The following ARHGAP25 variants were observed in gnomAD, a reference collection of about 807,000 sequenced individuals.
ARHGAP25 encodes rho GTPase-activating protein 25.
Under a neutral mutation model 71.0 loss-of-function variants are expected in ARHGAP25, and 34 were observed. The ratio of observed to expected loss-of-function variants is 0.48; its 90% CI spans 0.36 to 0.64. ARHGAP25 has a LOEUF of 0.64. ARHGAP25 is among the 30% of genes least tolerant of loss of function. The pLI is 0.00. For missense variants in ARHGAP25, 706 were observed against 805.1 expected, an observed-to-expected ratio of 0.88 and a Z score of 1.49; for synonymous variants, 282 against 296.5, an observed-to-expected ratio of 0.95 and a Z score of 0.50.
At chr2:68,810,553 C>G (rs1244230387) in intron 5 of ARHGAP25, among the ~76,000 whole-genome samples, 1 of 152,072 alleles carries the variant, frequency 6.6e-6, no homozygotes, top group Non-Finnish European at 1.5e-5. Flanking sequence ...TAATTTTGCT[C>G]TTTTATTATA....
Position 68,734,881 on chromosome 2 carries a change from G to T in ARHGAP25, c.-319G>T, listed in dbSNP as rs139043472. ...GAAAAGGAGCTTTGCTTCCCATGAC[G>T]CAGAGGGAAGTGTCAACTGGGATAT... On this transcript the variant is annotated 5_prime_UTR_variant, in exon 1 of 11. Coordinates refer to ENST00000409202, the MANE Select transcript of ARHGAP25 (RefSeq NM_001007231.3). The T allele has an allele frequency of 2.7e-6, 1 of 372,406 alleles. No individual in the cohort carries two copies. The highest frequency in any genetic ancestry group is 2.1e-5 in the African/African-American group (1 of 48,004). 23.1% of individuals were successfully genotyped at this position (372,406 alleles called of 1,614,324 possible). A position where few individuals can be genotyped will look rare whatever the true frequency, so the allele number is the denominator to read the frequency against.
intron 4 of ARHGAP25, among the ~76,000 whole-genome samples, chr2:68,802,707 A>AAGAGAGAGAG (rs35124579): frequency 6.7e-6 from 1 of 148,164 alleles, no homozygotes; most frequent in African/African-American, 2.5e-5. Context: ...ATAGAGGAGA[A>AAGAGAGAGAG]AGAGAGAGAG....
rs919093258 is a variant in ARHGAP25, at chr2:68,750,858, G to T, written c.61+15598G>T. On this transcript the variant is annotated intron_variant, in intron 1 of 10. Coordinates refer to ENST00000409202, the MANE Select transcript of ARHGAP25 (RefSeq NM_001007231.3). ...TAGTGTCAGAAGTGACGTGTTAAGG[G>T]GTTACTGAAACCAAAGGTGAAAGCT... is the stretch of plus-strand genomic sequence containing the variant. 3.3e-5 allele frequency among the ~76,000 whole-genome samples: 5 copies of T among 152,282 alleles called. No individual in the cohort carries two copies. The South Asian group carries it at 1.0e-3, about 32-fold the overall frequency.
chr2:68,728,752 A>AT, intron 2 of ARHGAP25, among the ~76,000 whole-genome samples: 1 of 152,236 alleles, frequency 6.6e-6, no homozygotes, highest in East Asian at 1.9e-4. Context: ...ATAAGTAAAC[A>AT]TAAGTAAATA....
chr2:68,766,464 G>T (rs1175320095), intron 1 of ARHGAP25, among the ~76,000 whole-genome samples: 3 of 152,162 alleles, frequency 2.0e-5, no homozygotes, highest in Admixed American at 6.5e-5. Flanking sequence ...GACAGGCGGA[G>T]AGGGCTGGGT....
At chr2:68,744,824 C>T (rs1351760090) in intron 1 of ARHGAP25, among the ~76,000 whole-genome samples, 4 of 152,194 alleles carry the variant, frequency 2.6e-5, no homozygotes, top group Non-Finnish European at 5.9e-5. Flanking sequence ...ATTATTTCTC[C>T]CCAGAAAACC....
chr2:68,772,682 T>C (rs576219900), intron 1 of ARHGAP25, among the ~76,000 whole-genome samples: 17 of 152,330 alleles, frequency 1.1e-4, no homozygotes, highest in African/African-American at 3.6e-4. Context: ...AATTCCCTCC[T>C]CCCCATTGTA....
intron 4 of ARHGAP25, among the ~76,000 whole-genome samples, chr2:68,794,733 T>G (rs1464582795): frequency 1.3e-5 from 2 of 152,170 alleles, no homozygotes; most frequent in Non-Finnish European, 2.9e-5. Context: ...AGTTTTCTTT[T>G]TTGTTGTTGT....
chr2:68,808,432 C>T (rs570476095), intron 5 of ARHGAP25, among the ~76,000 whole-genome samples: 4 of 152,152 alleles, frequency 2.6e-5, no homozygotes, highest in African/African-American at 4.8e-5. Context: ...TCACCAACGC[C>T]GCCCATTTTT....
chr2:68,810,235 T>C (rs948817228), intron 5 of ARHGAP25, among the ~76,000 whole-genome samples: 1 of 152,034 alleles, frequency 6.6e-6, no homozygotes, highest in African/African-American at 2.4e-5. Context: ...AATAGACATC[T>C]GAGTTAGCCC....
intron 1 of ARHGAP25, among the ~76,000 whole-genome samples, chr2:68,768,783 A>G (rs138700904): frequency 6.6e-6 from 1 of 152,260 alleles, no homozygotes; most frequent in East Asian, 1.9e-4. Flanking sequence ...GGAAGCTTGA[A>G]GCTCTCAGTC....
At chr2:68,732,520 G>A (rs1276539438), upstream of ARHGAP25, among the ~76,000 whole-genome samples, 1 of 152,220 alleles carries the variant, frequency 6.6e-6, no homozygotes. Flanking sequence ...CAGGCAGGCA[G>A]TAGTGCAATG....
chr2:68,746,737 T>A (rs1675850957), intron 1 of ARHGAP25, among the ~76,000 whole-genome samples: 1 of 148,762 alleles, frequency 6.7e-6, no homozygotes. Flanking sequence ...CCGGGCGCGG[T>A]GGCTCACGCT....
At chr2:68,787,703 G>A (rs1294443655) in intron 3 of ARHGAP25, 137 bp from the exon 4 acceptor site, 11 of 711,262 alleles carry the variant, frequency 1.5e-5, no homozygotes, top group African/African-American at 5.2e-5. Flanking sequence ...AGGATAATTC[G>A]ACAATGCATT....
chr2:68,817,826 C>G lies in ARHGAP25; in HGVS notation c.882-47C>G, dbSNP rs770691208. The G allele has an allele frequency of 4.4e-6, 7 of 1,608,178 alleles. No individual in the cohort carries two copies. The Admixed American group carries it at 1.0e-4, about 23-fold the overall frequency. ...CATTGGAACCCTGTAGTGCTTCCTCCTGGCTACTTCCTGCTTTCTACCATG... is the reference window on the plus strand; with the variant it reads ...CATTGGAACCCTGTAGTGCTTCCTCGTGGCTACTTCCTGCTTTCTACCATG... On this transcript the variant is annotated intron_variant, in intron 7 of 10. Transcript: ENST00000409202.
intron 4 of ARHGAP25, among the ~76,000 whole-genome samples, chr2:68,806,874 A>C (rs1680411780): frequency 6.6e-6 from 1 of 152,122 alleles, no homozygotes; most frequent in South Asian, 2.1e-4. Context: ...CTGAATCCCA[A>C]CTGTGTCATG....
intron 2 of ARHGAP25, among the ~76,000 whole-genome samples, chr2:68,718,148 A>G (rs1405246081): frequency 7.0e-6 from 1 of 143,456 alleles, no homozygotes; most frequent in Non-Finnish European, 1.5e-5. Flanking sequence ...AGATTTGTTA[A>G]AAAAAAAAAA....
intron 7 of ARHGAP25, chr2:68,816,571 C>T (rs1415354886): frequency 3.6e-6 from 2 of 555,414 alleles, no homozygotes; most frequent in East Asian, 3.1e-5. Context: ...ACGTGCTCCC[C>T]CATTTAGGCC....
At chr2:68,728,038 A>G (rs906045955) in intron 2 of ARHGAP25, among the ~76,000 whole-genome samples, 2 of 152,396 alleles carry the variant, frequency 1.3e-5, no homozygotes, top group South Asian at 2.1e-4. Flanking sequence ...TACAATGTAC[A>G]TCAGAAAGAT....
Sources: allele counts gnomAD v4.1 joint callset (sites outside exome capture counted in the v4.1 genomes callset), GRCh38; gene constraint gnomAD v4.1.1; transcripts MANE v1.5; gene names NCBI Gene and HGNC (gene_info 2026-07-23, HGNC 2026-07-21).